Variants in MAN1A1 observed in about 807,000 individuals in gnomAD.
MAN1A1 encodes mannosyl-oligosaccharide 1,2-alpha-mannosidase IA.
In MAN1A1, 29 loss-of-function variants were observed where a neutral mutation model predicts 70.8. That is an observed-to-expected ratio of 0.41 (90% CI 0.31 to 0.56). The LOEUF (loss-of-function observed/expected upper bound fraction) is 0.56, where lower values mean the gene tolerates loss of function less well. MAN1A1 is among the 20% of genes least tolerant of loss of function. MAN1A1 has a pLI of 0.29. For missense variants in MAN1A1, 747 were observed against 841.3 expected, an observed-to-expected ratio of 0.89 and a Z score of 1.39; for synonymous variants, 349 against 330.1, an observed-to-expected ratio of 1.06 and a Z score of -0.62.
At chr6:119,195,379 T>C (rs148022425) in intron 8 of MAN1A1, among the ~76,000 whole-genome samples, 1 of 152,316 alleles carries the variant, frequency 6.6e-6, no homozygotes, top group African/African-American at 2.4e-5. Context: ...GCAGGGCTTC[T>C]ATAGGCCTTG....
At chr6:119,295,370 T>C (rs1277889307) in intron 4 of MAN1A1, among the ~76,000 whole-genome samples, 1 of 152,094 alleles carries the variant, frequency 6.6e-6, no homozygotes, top group Non-Finnish European at 1.5e-5. Flanking sequence ...ACAATGAAAA[T>C]AACAAATTTT....
chr6:119,181,042 A>G (rs999283764), intron 11 of MAN1A1, among the ~76,000 whole-genome samples: 1 of 152,206 alleles, frequency 6.6e-6, no homozygotes, highest in Non-Finnish European at 1.5e-5. Context: ...TTAGCAAAGT[A>G]TGAACTATAG....
At chr6:119,307,523 CTG>C (rs1219162429) in intron 2 of MAN1A1, among the ~76,000 whole-genome samples, 3 of 152,096 alleles carry the variant, frequency 2.0e-5, no homozygotes, top group African/African-American at 7.2e-5. Flanking sequence ...AAAAATAACA[CTG>C]TGATTATGCC....
At chr6:119,190,025 C>T in intron 9 of MAN1A1, 142 bp from the exon 10 acceptor site, 1 of 681,378 alleles carries the variant, frequency 1.5e-6, no homozygotes, top group Non-Finnish European at 2.4e-6. Context: ...CCTGAAATTA[C>T]ATGCTATTGC....
intron 2 of MAN1A1, among the ~76,000 whole-genome samples, chr6:119,328,261 C>A (rs1275646309): frequency 6.6e-6 from 1 of 152,214 alleles, no homozygotes; most frequent in Non-Finnish European, 1.5e-5. Context: ...ACCCGGTCTT[C>A]AAACCCCAAA....
intron 6 of MAN1A1, among the ~76,000 whole-genome samples, chr6:119,210,591 T>C (rs1774022120): frequency 1.3e-5 from 2 of 152,214 alleles, no homozygotes; most frequent in South Asian, 4.1e-4. Flanking sequence ...CCGATTTATT[T>C]AAACTCACTG....
intron 5 of MAN1A1, chr6:119,269,230 C>A (rs892605196): frequency 3.9e-6 from 1 of 259,512 alleles, no homozygotes; most frequent in South Asian, 3.4e-5. Context: ...AGCTGCTTTT[C>A]TTCCAATAGC....
intron 3 of MAN1A1, among the ~76,000 whole-genome samples, chr6:119,302,328 A>T (rs1232681722): frequency 6.6e-6 from 1 of 152,184 alleles, no homozygotes; most frequent in Non-Finnish European, 1.5e-5. Context: ...TCTGAGTTAT[A>T]AAAATAAATG....
chr6:119,201,808 T>C (rs1332572940), intron 7 of MAN1A1, among the ~76,000 whole-genome samples: 1 of 152,178 alleles, frequency 6.6e-6, no homozygotes, highest in Non-Finnish European at 1.5e-5. Context: ...TATTTGTGTA[T>C]CTAAACACAG....
intron 2 of MAN1A1, among the ~76,000 whole-genome samples, chr6:119,314,271 G>C (rs372251505): frequency 6.6e-6 from 1 of 152,214 alleles, no homozygotes; most frequent in African/African-American, 2.4e-5. Flanking sequence ...TTATGTGTAA[G>C]CTTCTCAACA....
At chr6:119,300,812 T>C (rs1460317419) in intron 4 of MAN1A1, among the ~76,000 whole-genome samples, 2 of 152,244 alleles carry the variant, frequency 1.3e-5, no homozygotes, top group Non-Finnish European at 2.9e-5. Flanking sequence ...ATTCAATTAT[T>C]AGGCAAATTA....
chr6:119,247,660 A>T (rs551063522), intron 6 of MAN1A1, among the ~76,000 whole-genome samples: 2 of 152,050 alleles, frequency 1.3e-5, no homozygotes, highest in African/African-American at 4.8e-5. Context: ...GTCTTTTCCA[A>T]TTGGAGCCAC....
At chr6:119,280,192 A>C (rs182031384) in intron 5 of MAN1A1, among the ~76,000 whole-genome samples, 68 of 152,100 alleles carry the variant, frequency 4.5e-4, no homozygotes, top group Non-Finnish European at 8.4e-4. Context: ...GTTGTTGATG[A>C]CTCATGGGTT....
At chr6:119,306,856 G>C in intron 3 of MAN1A1, 40 bp downstream of exon 3, 1 of 1,361,128 alleles carries the variant, frequency 7.3e-7, no homozygotes. Context: ...CAATTGGGGA[G>C]AAGTTATCGT....
intron 11 of MAN1A1, among the ~76,000 whole-genome samples, chr6:119,182,923 T>C (rs1387009320): frequency 6.6e-6 from 1 of 152,116 alleles, no homozygotes; most frequent in Non-Finnish European, 1.5e-5. Context: ...ACCAAGAAGA[T>C]GGAAAGCATA....
At chr6:119,350,428 G>A, upstream of MAN1A1, 1 of 506,306 alleles carries the variant, frequency 2.0e-6, no homozygotes, top group Non-Finnish European at 2.5e-6. Context: ...TGCTTGCTTA[G>A]GACTTTTTTC....
chr6:119,239,941 T>TC (rs1402003106), intron 6 of MAN1A1, among the ~76,000 whole-genome samples: 2 of 152,256 alleles, frequency 1.3e-5, no homozygotes, highest in Non-Finnish European at 2.9e-5. Context: ...CAAAGCTGAA[T>TC]CTGTAAAACA....
chr6:119,310,722 G>C (rs1021962763), intron 2 of MAN1A1, among the ~76,000 whole-genome samples: 2 of 152,206 alleles, frequency 1.3e-5, no homozygotes, highest in African/African-American at 4.8e-5. Flanking sequence ...TAAAAGCCAT[G>C]AGAAAGAAGA....
chr6:119,286,589 A>G (rs549121631), intron 5 of MAN1A1, among the ~76,000 whole-genome samples: 2 of 152,146 alleles, frequency 1.3e-5, no homozygotes, highest in African/African-American at 4.8e-5. Flanking sequence ...TATCATAGTA[A>G]ACTCATCTAC....
Sources: allele counts gnomAD v4.1 joint callset (sites outside exome capture counted in the v4.1 genomes callset), GRCh38; gene constraint gnomAD v4.1.1; transcripts MANE v1.5; gene names NCBI Gene and HGNC (gene_info 2026-07-23, HGNC 2026-07-21).